LMO1: variants seen among roughly 807,000 people sequenced by gnomAD.
LMO1 encodes LIM domain only 1, also known as rhombotin-1.
In LMO1, 10 loss-of-function variants were observed where a neutral mutation model predicts 18.0. The observed-to-expected ratio is 0.55, with a 90% CI of 0.34 to 0.94. The LOEUF is 0.94. Ranked by LOEUF, LMO1 falls within the 40% of genes least tolerant of loss-of-function variation. LMO1 has a pLI of 0.02. For missense variants in LMO1, 183 were observed against 205.7 expected, an observed-to-expected ratio of 0.89 and a Z score of 0.68; for synonymous variants, 77 against 77.9, an observed-to-expected ratio of 0.99 and a Z score of 0.06.
At chr11:8,224,843 G>A (rs1565173318) in intron 3 of LMO1, 122 bp from the exon 4 acceptor site, 2 of 686,834 alleles carry the variant, frequency 2.9e-6, no homozygotes, top group East Asian at 5.4e-5. Context: ...GGGGGAGTTT[G>A]TTCCTTGAAC....
At chr11:8,268,243 C>T (rs946800258), upstream of LMO1, among the ~76,000 whole-genome samples, 1 of 152,186 alleles carries the variant, frequency 6.6e-6, no homozygotes, top group Non-Finnish European at 1.5e-5. Context: ...GCACCGCCGA[C>T]CCCGGCACCG....
chr11:8,231,458 A>G (rs1952660487), intron 1 of LMO1, among the ~76,000 whole-genome samples: 1 of 152,204 alleles, frequency 6.6e-6, no homozygotes. Context: ...GGGACCGTTG[A>G]GGAGGAGATG....
intron 1 of LMO1, among the ~76,000 whole-genome samples, chr11:8,238,159 T>C (rs1049043121): frequency 6.6e-6 from 1 of 152,142 alleles, no homozygotes; most frequent in Non-Finnish European, 1.5e-5. Context: ...GAAAACAACA[T>C]AAATGTCCAT....
chr11:8,227,191 C>G, intron 2 of LMO1, 91 bp from the exon 3 acceptor site: 1 of 1,530,110 alleles, frequency 6.5e-7, no homozygotes, highest in East Asian at 2.3e-5. Flanking sequence ...GGGTCCTTCC[C>G]ATACTCCAAC....
upstream of LMO1, chr11:8,268,687 G>C (rs1207362746): frequency 3.6e-6 from 1 of 277,398 alleles, no homozygotes; most frequent in Non-Finnish European, 6.7e-6. Context: ...CCGGGATCGC[G>C]GGAGCCTCGC....
At chr11:8,240,011 G>A (rs61879681) in intron 1 of LMO1, among the ~76,000 whole-genome samples, 7 of 152,340 alleles carry the variant, frequency 4.6e-5, no homozygotes, top group African/African-American at 1.7e-4. Flanking sequence ...AAGCGAGGCT[G>A]CAGATCCAGG....
chr11:8,251,954 G>A (rs1192748736), intron 1 of LMO1, among the ~76,000 whole-genome samples: 4 of 147,796 alleles, frequency 2.7e-5, no homozygotes, highest in African/African-American at 7.5e-5. Flanking sequence ...ATGTGGGAGT[G>A]TGTGTTTGTG....
upstream of LMO1, among the ~76,000 whole-genome samples, chr11:8,266,543 G>C (rs762679556): frequency 6.6e-6 from 1 of 152,202 alleles, no homozygotes; most frequent in Admixed American, 6.5e-5. Flanking sequence ...AAATGCCCTC[G>C]AAATGCCTCT....
At chr11:8,249,473 A>G (rs572972241) in intron 1 of LMO1, among the ~76,000 whole-genome samples, 1 of 152,270 alleles carries the variant, frequency 6.6e-6, no homozygotes, top group Non-Finnish European at 1.5e-5. Flanking sequence ...CTTCTACCTA[A>G]AGCCATTCAA....
At chr11:8,244,982 C>A (rs1282022123) in intron 1 of LMO1, among the ~76,000 whole-genome samples, 1 of 152,368 alleles carries the variant, frequency 6.6e-6, no homozygotes, top group East Asian at 1.9e-4. Context: ...TTCACCCCTC[C>A]TCGTGTGCCC....
chr11:8,256,814 G>A (rs931105516), intron 1 of LMO1, among the ~76,000 whole-genome samples: 4 of 152,234 alleles, frequency 2.6e-5, no homozygotes, highest in African/African-American at 7.2e-5. Context: ...CCCAAAACCA[G>A]AGCAGACATA....
chr11:8,249,237 A>G (rs1846946578), intron 1 of LMO1, among the ~76,000 whole-genome samples: 1 of 152,188 alleles, frequency 6.6e-6, no homozygotes, highest in Non-Finnish European at 1.5e-5. Context: ...CACCCTGCAC[A>G]GACCCAGACT....
chr11:8,268,225 T>TGAGCCTGGCACCGCC (rs1265988378), upstream of LMO1, among the ~76,000 whole-genome samples: 1 of 152,062 alleles, frequency 6.6e-6, no homozygotes, highest in African/African-American at 2.4e-5. Context: ...GCCCGGGCGC[T>TGAGCCTGGCACCGCC]GAGCCTGGCA....
chr11:8,227,175 C>T, intron 2 of LMO1, 75 bp from the exon 3 acceptor site: 1 of 1,552,788 alleles, frequency 6.4e-7, no homozygotes, highest in Non-Finnish European at 8.7e-7. Flanking sequence ...GAGTTGCCTC[C>T]ATCCAGGGTC....
At chr11:8,253,612 T>C (rs1041617456) in intron 1 of LMO1, among the ~76,000 whole-genome samples, 4 of 152,076 alleles carry the variant, frequency 2.6e-5, no homozygotes. Flanking sequence ...TCCTGGATAC[T>C]GTCGTCAGGA....
At chr11:8,266,237 G>T (rs761573010), upstream of LMO1, among the ~76,000 whole-genome samples, 6 of 152,182 alleles carry the variant, frequency 3.9e-5, no homozygotes, top group African/African-American at 1.4e-4. Context: ...GAGGGTTTGG[G>T]TGGCTTGAGC....
At chr11:8,245,968 G>C (rs1277665696) in intron 1 of LMO1, among the ~76,000 whole-genome samples, 1 of 152,040 alleles carries the variant, frequency 6.6e-6, no homozygotes, top group Non-Finnish European at 1.5e-5. Context: ...AAGGGAGATG[G>C]GGGAGGTGCC....
chr11:8,225,904 G>A (rs1952530899), intron 3 of LMO1, among the ~76,000 whole-genome samples: 2 of 152,224 alleles, frequency 1.3e-5, no homozygotes, highest in Non-Finnish European at 2.9e-5. Flanking sequence ...CCTGAGAAGA[G>A]CGCCTGCCTT....
chr11:8,232,870 A>AC (rs1952693057), intron 1 of LMO1, among the ~76,000 whole-genome samples: 1 of 152,054 alleles, frequency 6.6e-6, no homozygotes, highest in Non-Finnish European at 1.5e-5. Flanking sequence ...TCTTCCATCT[A>AC]CCCTGGCTCT....
Sources: allele counts gnomAD v4.1 joint callset (sites outside exome capture counted in the v4.1 genomes callset), GRCh38; gene constraint gnomAD v4.1.1; transcripts MANE v1.5; gene names NCBI Gene and HGNC (gene_info 2026-07-23, HGNC 2026-07-21).